The following CRAT variants were observed in gnomAD, a reference collection of about 807,000 sequenced individuals.
CRAT encodes the protein carnitine acetylase.
CRAT carries 66 observed loss-of-function variants against 73.7 expected under a neutral mutation model. The observed-to-expected ratio is 0.90, with a 90% CI of 0.73 to 1.10. The LOEUF (loss-of-function observed/expected upper bound fraction) is 1.10. Among genes scored for constraint, CRAT ranks in the 50% least tolerant of loss-of-function variants. The probability of loss-of-function intolerance (pLI) is 0.00; values close to 1 mark genes in which losing one functional copy is unlikely to be tolerated. For missense variants in CRAT, 745 were observed against 846.9 expected (o/e 0.88, Z 1.49); for synonymous variants, 321 against 343.2 (o/e 0.94, Z 0.71).
chr9:129,102,275 G>T, intron 5 of CRAT, 125 bp downstream of exon 5: 1 of 1,394,750 alleles, frequency 7.2e-7, no homozygotes, highest in South Asian at 1.3e-5. Context: ...GAAGCCAGGG[G>T]CGCCCATTCC....
At position 129,095,313 on chromosome 9, in the gene CRAT, G is replaced by A; in HGVS notation, c.*84C>T. ...CCAGGGAAGAGGGAACCAAGGAAGA[G>A]GGAACCAAGGAGCTGAGCCCTGGTG... On this transcript the variant is annotated 3_prime_UTR_variant, in exon 14 of 14. Transcript: ENST00000318080. 7.1e-7 allele frequency: 1 copy of A among 1,416,286 alleles called. No individual in the cohort carries two copies. Among genetic ancestry groups the A allele is most frequent in the Non-Finnish European group, 9.8e-7 (1 of 1,024,344 alleles). 87.7% of individuals were successfully genotyped at this position (1,416,286 alleles called of 1,614,324 possible).
chr9:129,110,708 G>A lies in CRAT; in HGVS notation c.-199C>T, dbSNP rs1279283483. The A allele has an allele frequency of 9.0e-6, 6 of 663,858 alleles. No homozygotes were observed. The highest frequency in any genetic ancestry group is 1.2e-5 in the Non-Finnish European group (5 of 427,848). The allele number at this position is 663,858 out of a possible 1,614,324, so 41.1% of individuals were successfully genotyped here. A position where few individuals can be genotyped will look rare whatever the true frequency, so the allele number is the denominator to read the frequency against. On this transcript the variant is annotated 5_prime_UTR_variant, in exon 1 of 14. Transcript: ENST00000318080. This position sits in a 1 kb window ranked among gnomAD's most constrained non-coding sequence, Gnocchi z 5.3. ...AGCGGGCTGCGGGAAGGCACCCGGGGAGGAGGACTCGCGAGGCGGGGCCTG... is the reference window on the plus strand; with the variant it reads ...AGCGGGCTGCGGGAAGGCACCCGGGAAGGAGGACTCGCGAGGCGGGGCCTG...
intron 2 of CRAT, among the ~76,000 whole-genome samples, chr9:129,105,200 C>T (rs994394053): frequency 2.6e-5 from 4 of 151,042 alleles, no homozygotes; most frequent in East Asian, 2.0e-4. Context: ...CCACCGCGCC[C>T]GGCAAGGTGA....
chr9:129,095,740 T>C (rs2131431441), intron 13 of CRAT, 128 bp from the exon 14 acceptor site: 1 of 1,023,138 alleles, frequency 9.8e-7, no homozygotes, highest in South Asian at 1.6e-5. Context: ...TCCCCTGCTA[T>C]ATCCCAGCAA....
Position 129,110,377 on chromosome 9 carries a change from G to T in CRAT, c.27+106C>A. The T allele has an allele frequency of 8.2e-7, 1 of 1,216,254 alleles. No individual in the cohort carries two copies. The highest frequency in any genetic ancestry group is 1.1e-6 in the Non-Finnish European group (1 of 907,610). 75.3% of individuals were successfully genotyped at this position (1,216,254 alleles called of 1,614,324 possible). A position where few individuals can be genotyped will look rare whatever the true frequency, so the allele number is the denominator to read the frequency against. On this transcript the variant is annotated intron_variant, in intron 1 of 13. Coordinates refer to ENST00000318080, the MANE Select transcript of CRAT (RefSeq NM_000755.5). This position sits in a 1 kb window ranked among gnomAD's most constrained non-coding sequence, Gnocchi z 5.3. ...CCTGACCCCACCCCATCAGCTGGAGGCCGGGTCGAACAGCGGCCGCAGGAC... is the reference window on the plus strand; with the variant it reads ...CCTGACCCCACCCCATCAGCTGGAGTCCGGGTCGAACAGCGGCCGCAGGAC...
At position 129,097,262 on chromosome 9, in the gene CRAT, G is replaced by A. The variant is rs781605380; in HGVS notation, c.1515C>T (p.Gly505=). Residue 505 remains glycine, a synonymous_variant, in exon 12 of 14, where the codon GGC becomes GGT. Coordinates refer to ENST00000318080, the MANE Select transcript of CRAT (RefSeq NM_000755.5). ...LLRKAVQAHR[G]YTDRAIRGEA... is the part of the protein sequence containing the mutation. ...CGGGCTCACTTACCCGGTCGGTGTA[G>A]CCTCGGTGGGCCTGCACGGCCTTCC... is the stretch of plus-strand genomic sequence containing the variant. 6.4e-6 allele frequency: 10 copies of A among 1,556,328 alleles called. No individual in the cohort carries two copies. Among genetic ancestry groups the A allele is most frequent in the Non-Finnish European group, 8.7e-6 (10 of 1,151,166 alleles).
chr9:129,105,602 G>A (rs937481356), intron 2 of CRAT, among the ~76,000 whole-genome samples: 2 of 152,188 alleles, frequency 1.3e-5, no homozygotes, highest in Non-Finnish European at 2.9e-5. Context: ...GATTCCAGGC[G>A]TGAGCCACCG....
chr9:129,101,484 G>T (rs1368216870), intron 6 of CRAT, among the ~76,000 whole-genome samples: 1 of 152,218 alleles, frequency 6.6e-6, no homozygotes, highest in Non-Finnish European at 1.5e-5. Flanking sequence ...CTGGGAAGTG[G>T]ACAGATGTGC....
rs182284225 is a variant in CRAT, at chr9:129,098,346, C to T, written c.1231G>A (p.Val411Met). The T allele has an allele frequency of 1.6e-5, 26 of 1,613,932 alleles. No individual in the cohort carries two copies. In the East Asian group the frequency reaches 2.5e-4, roughly 15 times the overall value. ...TTTCCAAAATGGTGGAACACCATCA[C>T]GGTGATATCCAGGTCCTGGATCATG... ...SIMIQDLDIT[V>M]MVFHHFGKDF... is the part of the protein sequence containing the mutation. The change falls in exon 10 of 14, where the codon GTG becomes ATG. Residue 411 changes from valine (V) to methionine (M), a missense_variant. Physicochemically the swap from Val to Met is conservative, Grantham distance 21 (BLOSUM62 1). Transcript: ENST00000318080.
rs1348480126 is a variant in CRAT, at chr9:129,098,308, CT to C, written c.1268del (p.Lys423SerfsTer5). 1 of 1,614,040 alleles carries C rather than the reference CT, an allele frequency of 6.2e-7. No homozygotes were observed. The highest frequency in any genetic ancestry group is 1.1e-5 in the South Asian group (1 of 91,086). On this transcript the variant is annotated frameshift_variant, in exon 10 of 14. Coordinates refer to ENST00000318080, the MANE Select transcript of CRAT (RefSeq NM_000755.5). LOFTEE classifies it high-confidence loss of function. ...VFHHFGKDFP[K>X]SEKLSPDAFI... is the part of the protein sequence containing the mutation. The stretch of plus-strand genomic sequence containing the variant: ...AGGCATCTGGGCTTAGCTTCTCCGA[CT>C]TGGGGAAGTCTTTTCCAAAATGGTG...
At position 129,097,329 on chromosome 9, in the gene CRAT, C is replaced by T. The variant is rs1464079648; in HGVS notation, c.1465-17G>A. On this transcript the variant is annotated splice_polypyrimidine_tract_variant and intron_variant, in intron 11 of 13. Coordinates refer to ENST00000318080, the MANE Select transcript of CRAT (RefSeq NM_000755.5). ...CTGGTGCTCCTAGAGTGGTGAGGGT[C>T]AGAGGGAGCTGAAGCACTGTCCCTT... 8 of 1,556,714 alleles carry T rather than the reference C, an allele frequency of 5.1e-6. No individual in the cohort carries two copies. In the East Asian group the frequency reaches 1.6e-4, roughly 32 times the overall value.
At chr9:129,104,697 T>C (rs1240399035) in intron 2 of CRAT, among the ~76,000 whole-genome samples, 4 of 151,496 alleles carry the variant, frequency 2.6e-5, no homozygotes, top group South Asian at 2.1e-4. Flanking sequence ...CTCCGCCTCC[T>C]GGGTTCACGC....
chr9:129,095,591 C>T lies in CRAT; in HGVS notation c.1687G>A (p.Val563Ile). Residue 563 changes from valine to isoleucine, a missense_variant, in exon 14 of 14, where the codon GTC (valine) becomes ATC (isoleucine). Val to Ile is a conservative substitution (Grantham distance 29, BLOSUM62 3). Transcript: ENST00000318080. ...GGGACCACGGGCCCGAAGAACATGA[C>T]ACAGTCTGTCTTGGCAGGGACCTGG... ...TSQVPAKTDC[V>I]MFFGPVVPDG... is the part of the protein sequence containing the mutation. 3 of 1,613,096 alleles carry T rather than the reference C, an allele frequency of 1.9e-6. No individual in the cohort carries two copies. The highest frequency in any genetic ancestry group is 1.7e-6 in the Non-Finnish European group (2 of 1,179,958).
intron 1 of CRAT, 186 bp from the exon 2 acceptor site, chr9:129,108,263 C>A: frequency 1.0e-6 from 1 of 983,582 alleles, no homozygotes; most frequent in Non-Finnish European, 1.4e-6. Context: ...CCTGGAGATG[C>A]AGGTAGGGAT....
chr9:129,096,150 G>T lies in CRAT; in HGVS notation c.1528-15C>A. 1 of 1,611,598 alleles carries T rather than the reference G, an allele frequency of 6.2e-7. No homozygotes were observed. The highest frequency in any genetic ancestry group is 8.5e-7 in the Non-Finnish European group (1 of 1,179,986). On this transcript the variant is annotated splice_polypyrimidine_tract_variant and intron_variant, in intron 12 of 13. Coordinates refer to ENST00000318080, the MANE Select transcript of CRAT (RefSeq NM_000755.5). ...CCGCGGATGGCCTGTTGGGGTGGGA[G>T]AGCTGTCAGGAGCAGGGGCTGTGGA...
In CRAT at chr9:129,103,108, T is replaced by A; in HGVS notation, c.411-42A>T. On this transcript the variant is annotated intron_variant, in intron 3 of 13. Transcript: ENST00000318080. This position sits in a 1 kb window ranked among gnomAD's most constrained non-coding sequence, Gnocchi z 4.6. ...GAGATTAGAAGCTGCGTGGACACCC[T>A]GAGGGAGGCCCCGGGCTAGGGACAC... 6.4e-7 allele frequency: 1 copy of A among 1,574,516 alleles called. No individual in the cohort carries two copies. Among genetic ancestry groups the A allele is most frequent in the East Asian group, 2.2e-5 (1 of 44,622 alleles).
chr9:129,103,214 C>T lies in CRAT; in HGVS notation c.411-148G>A, dbSNP rs3124498. 172,737 of 712,100 alleles carry T rather than the reference C, an allele frequency of 0.24. 22,254 individuals are homozygous for T. Among genetic ancestry groups the T allele is most frequent in the Non-Finnish European group, 0.28 (110,233 of 392,192 alleles). 44.1% of individuals were successfully genotyped at this position (712,100 alleles called of 1,614,324 possible). A position where few individuals can be genotyped will look rare whatever the true frequency, so the allele number is the denominator to read the frequency against. On this transcript the variant is annotated intron_variant, in intron 3 of 13. Coordinates refer to ENST00000318080, the MANE Select transcript of CRAT (RefSeq NM_000755.5). The surrounding 1 kb of genome is among the most constrained non-coding windows in gnomAD (Gnocchi z 4.6). The stretch of plus-strand genomic sequence containing the variant: ...CCTGGGAGCGCAAGGGAGGGGCCTG[C>T]GAGTCCCAGCTTGCCAGCCTGTGTG...
At chr9:129,101,195 G>A (rs1214616775) in intron 6 of CRAT, among the ~76,000 whole-genome samples, 1 of 152,202 alleles carries the variant, frequency 6.6e-6, no homozygotes, top group Non-Finnish European at 1.5e-5. Context: ...TAGGACATGG[G>A]GCCCACATTG....
In CRAT at chr9:129,103,103, C is replaced by G; in HGVS notation, c.411-37G>C. ...GATTAGAGATTAGAAGCTGCGTGGACACCCTGAGGGAGGCCCCGGGCTAGG... is the reference window on the plus strand; with the variant it reads ...GATTAGAGATTAGAAGCTGCGTGGAGACCCTGAGGGAGGCCCCGGGCTAGG... On this transcript the variant is annotated intron_variant, in intron 3 of 13. Transcript: ENST00000318080. The surrounding 1 kb of genome is among the most constrained non-coding windows in gnomAD (Gnocchi z 4.6). The G allele has an allele frequency of 6.3e-7, 1 of 1,596,120 alleles. No individual in the cohort carries two copies. The highest frequency in any genetic ancestry group is 8.6e-7 in the Non-Finnish European group (1 of 1,163,742).
Sources: gnomAD v4.1 joint callset for allele counts (sites outside exome capture counted in the v4.1 genomes callset) on GRCh38, gnomAD v4.1.1 for gene constraint, Gnocchi (gnomAD v3.1) non-coding constraint, MANE v1.5 for transcripts, NCBI Gene and HGNC (gene_info 2026-07-23, HGNC 2026-07-21) for gene names.